Variants in SLCO1A2 observed in about 807,000 individuals in gnomAD.
The protein encoded by SLCO1A2 is solute carrier organic anion transporter family member 1A2, also known as OATP-1.
Under a neutral mutation model 69.0 loss-of-function variants are expected in SLCO1A2, and 67 were observed. The observed-to-expected ratio is 0.97, with a 90% CI of 0.80 to 1.19. SLCO1A2 has a LOEUF of 1.19. SLCO1A2 is among the 50% of genes most tolerant of loss of function. SLCO1A2 has a pLI of 0.00. For synonymous variants in SLCO1A2, 260 were observed against 265.9 expected (o/e 0.98, Z 0.22); for missense variants, 787 against 793.7 (o/e 0.99, Z 0.10).
intron 1 of SLCO1A2, among the ~76,000 whole-genome samples, chr12:21,410,873 G>A (rs1941896867): frequency 1.3e-5 from 2 of 151,948 alleles, no homozygotes; most frequent in Non-Finnish European, 2.9e-5. Flanking sequence ...TTGGCTATTT[G>A]CATTTCTTCT....
chr12:21,281,803 A>G (rs546477311), intron 12 of SLCO1A2, among the ~76,000 whole-genome samples: 1 of 152,286 alleles, frequency 6.6e-6, no homozygotes, highest in South Asian at 2.1e-4. Flanking sequence ...TATTATGAAC[A>G]ACTATATGCC....
chr12:21,316,411 C>G (rs1166394307), intron 3 of SLCO1A2, among the ~76,000 whole-genome samples: 1 of 152,144 alleles, frequency 6.6e-6, no homozygotes, highest in Admixed American at 6.6e-5. Flanking sequence ...TATCGTCGCT[C>G]CTACCTTCAC....
chr12:21,362,818 C>G (rs546443192), intron 2 of SLCO1A2, among the ~76,000 whole-genome samples: 22 of 152,214 alleles, frequency 1.4e-4, no homozygotes, highest in Middle Eastern at 6.8e-3. Flanking sequence ...ATAATGGTAA[C>G]AGGATCAATT....
At chr12:21,364,813 A>G (rs548417419) in intron 2 of SLCO1A2, among the ~76,000 whole-genome samples, 4 of 152,318 alleles carry the variant, frequency 2.6e-5, no homozygotes, top group Admixed American at 2.6e-4. Context: ...CAAAGAGAAT[A>G]AAATACCTAG....
In SLCO1A2 at chr12:21,267,694, C is replaced by A. The variant is rs1342321123; in HGVS notation, c.*1854G>T. On this transcript the variant is annotated 3_prime_UTR_variant, in exon 15 of 15. Coordinates refer to ENST00000683939, the MANE Select transcript of SLCO1A2 (RefSeq NM_001386879.1). ...AATGAGCATTCTCTTCACCATCGCACACTCAGCAAAATCTGATTCCCCTGA... is the reference window on the plus strand; with the variant it reads ...AATGAGCATTCTCTTCACCATCGCAAACTCAGCAAAATCTGATTCCCCTGA... The A allele has an allele frequency of 6.6e-6, 1 of 152,140 alleles. No homozygotes were observed. Among genetic ancestry groups the A allele is most frequent in the Non-Finnish European group, 1.5e-5 (1 of 68,050 alleles). 9.4% of individuals were successfully genotyped at this position (152,140 alleles called of 1,614,324 possible).
intron 1 of SLCO1A2, among the ~76,000 whole-genome samples, chr12:21,417,039 G>A (rs557154284): frequency 5.3e-5 from 8 of 152,162 alleles, no homozygotes; most frequent in South Asian, 2.1e-4. Context: ...GATCTAGAAC[G>A]TAAGCTCCAT....
intron 2 of SLCO1A2, among the ~76,000 whole-genome samples, chr12:21,340,590 C>CT (rs1266895195): frequency 6.6e-6 from 1 of 152,052 alleles, no homozygotes; most frequent in African/African-American, 2.4e-5. Context: ...GTGGGTAACA[C>CT]TGACGTAATC....
chr12:21,281,508 A>G (rs1436812508), intron 12 of SLCO1A2, among the ~76,000 whole-genome samples: 1 of 152,098 alleles, frequency 6.6e-6, no homozygotes, highest in African/African-American at 2.4e-5. Flanking sequence ...GAAAAGCAAG[A>G]GCAAACCAAA....
At chr12:21,366,635 G>C in intron 2 of SLCO1A2, among the ~76,000 whole-genome samples, 1 of 151,946 alleles carries the variant, frequency 6.6e-6, no homozygotes, top group East Asian at 1.9e-4. Context: ...AACAGAAGGA[G>C]AATTTTGAAA....
At chr12:21,304,351 A>G in intron 6 of SLCO1A2, 76 bp downstream of exon 6, 1 of 1,226,154 alleles carries the variant, frequency 8.2e-7, no homozygotes. Flanking sequence ...CACTAAGACT[A>G]CAAAAATATA....
At chr12:21,346,590 C>CT (rs1332613648) in intron 2 of SLCO1A2, among the ~76,000 whole-genome samples, 1 of 152,070 alleles carries the variant, frequency 6.6e-6, no homozygotes, top group Non-Finnish European at 1.5e-5. Context: ...GCAAAAGCCC[C>CT]TGGCATAGCC....
intron 8 of SLCO1A2, among the ~76,000 whole-genome samples, chr12:21,300,084 AAGAG>A (rs1180286497): frequency 3.4e-5 from 5 of 147,006 alleles, no homozygotes; most frequent in Admixed American, 6.9e-5. Context: ...ATATATATGA[AAGAG>A]AGAGAGAGAG....
intron 2 of SLCO1A2, 48 bp from the exon 3 acceptor site, chr12:21,318,971 T>C (rs762786966): frequency 1.4e-6 from 2 of 1,428,102 alleles, no homozygotes; most frequent in African/African-American, 1.4e-5. Flanking sequence ...TTTTAAATTG[T>C]ATACTTGCCG....
At chr12:21,390,869 G>A (rs902298702) in intron 1 of SLCO1A2, among the ~76,000 whole-genome samples, 2 of 152,094 alleles carry the variant, frequency 1.3e-5, no homozygotes, top group Admixed American at 1.3e-4. Flanking sequence ...TCAATAATTG[G>A]TAGCTCCTGC....
Position 21,301,205 on chromosome 12 carries a change from T to C in SLCO1A2, c.654A>G (p.Ala218=), listed in dbSNP as rs749868396. 6.2e-7 allele frequency: 1 copy of C among 1,612,732 alleles called. No individual in the cohort carries two copies. Among genetic ancestry groups the C allele is most frequent in the Non-Finnish European group, 8.5e-7 (1 of 1,179,406 alleles). ...CAAATCCAGTGTCAACATAAACATT[T>C]GCACAGAATGATGCCAACAAAAGTC... The part of the protein sequence containing the change: ...LIGLLLASFC[A]NVYVDTGFVN... Residue 218 remains alanine (A), a synonymous_variant, in exon 7 of 15, where the codon GCA becomes GCG. Transcript: ENST00000683939.
upstream of SLCO1A2, among the ~76,000 whole-genome samples, chr12:21,339,288 T>C (rs983001915): frequency 3.3e-5 from 5 of 151,996 alleles, no homozygotes; most frequent in African/African-American, 1.2e-4. Flanking sequence ...TAAGTGATGA[T>C]GATAGCTAGT....
chr12:21,323,405 A>C (rs1951884232), intron 2 of SLCO1A2, among the ~76,000 whole-genome samples: 2 of 152,012 alleles, frequency 1.3e-5, no homozygotes, highest in Admixed American at 1.3e-4. Flanking sequence ...AAAATACAAA[A>C]AGACAAAAAG....
At chr12:21,406,349 A>C (rs893008110) in intron 1 of SLCO1A2, among the ~76,000 whole-genome samples, 19 of 151,940 alleles carry the variant, frequency 1.3e-4, no homozygotes, top group African/African-American at 4.4e-4. Flanking sequence ...AAGTAGTTTG[A>C]AGGACAGACA....
intron 2 of SLCO1A2, among the ~76,000 whole-genome samples, chr12:21,345,046 A>G (rs1591865381): frequency 6.6e-6 from 1 of 152,036 alleles, no homozygotes; most frequent in Admixed American, 6.6e-5. Flanking sequence ...TCGTTATCAT[A>G]AAAATACTAA....
Sources: allele counts gnomAD v4.1 joint callset (sites outside exome capture counted in the v4.1 genomes callset), GRCh38; gene constraint gnomAD v4.1.1; transcripts MANE v1.5; gene names NCBI Gene and HGNC (gene_info 2026-07-23, HGNC 2026-07-21).